The following RALGPS1 variants were observed in gnomAD, a reference collection of about 807,000 sequenced individuals.
RALGPS1 encodes the protein ras-specific guanine nucleotide-releasing factor RalGPS1.
Under a neutral mutation model 78.8 loss-of-function variants are expected in RALGPS1, and 19 were observed. The observed-to-expected ratio is 0.24, with a 90% CI of 0.17 to 0.35. The LOEUF is 0.35. RALGPS1 is among the 10% of genes least tolerant of loss of function. The pLI is 1.00. For missense variants in RALGPS1, 454 were observed against 688.3 expected (o/e 0.66, Z 3.81); for synonymous variants, 228 against 256.3 (o/e 0.89, Z 1.06).
chr9:127,085,184 G>T (rs953473643), intron 8 of RALGPS1, among the ~76,000 whole-genome samples: 1 of 152,186 alleles, frequency 6.6e-6, no homozygotes, highest in African/African-American at 2.4e-5. Context: ...CCCAGCAGGT[G>T]GGTGCCGCTT....
At chr9:127,146,700 T>C (rs2058115639) in intron 8 of RALGPS1, among the ~76,000 whole-genome samples, 1 of 152,112 alleles carries the variant, frequency 6.6e-6, no homozygotes, top group Non-Finnish European at 1.5e-5. Context: ...TCCACCACCA[T>C]GCCTGGCTAA....
chr9:127,191,835 C>A (rs2061069108), intron 11 of RALGPS1, among the ~76,000 whole-genome samples: 1 of 151,684 alleles, frequency 6.6e-6, no homozygotes, highest in Non-Finnish European at 1.5e-5. Context: ...GTAGCTGGGA[C>A]TACAGGCACC....
At chr9:127,064,559 C>T (rs768674347) in intron 7 of RALGPS1, among the ~76,000 whole-genome samples, 16 of 152,236 alleles carry the variant, frequency 1.1e-4, no homozygotes, top group African/African-American at 1.4e-4. Context: ...CAACCACTTT[C>T]AGTTTATTGG....
chr9:126,928,898 G>C (rs902988745), intron 1 of RALGPS1, among the ~76,000 whole-genome samples: 3 of 152,024 alleles, frequency 2.0e-5, no homozygotes, highest in African/African-American at 7.2e-5. Context: ...CACCACGCCC[G>C]GCCAAGGATA....
intron 1 of RALGPS1, among the ~76,000 whole-genome samples, chr9:126,932,030 T>TA (rs2035840524): frequency 1.3e-5 from 2 of 152,130 alleles, no homozygotes; most frequent in African/African-American, 4.8e-5. Context: ...GTTAGGCTGT[T>TA]ACGTTGGAAA....
chr9:127,112,371 G>C (rs988681234), intron 8 of RALGPS1, among the ~76,000 whole-genome samples: 1 of 152,236 alleles, frequency 6.6e-6, no homozygotes, highest in African/African-American at 2.4e-5. Context: ...GGCCTGCTGG[G>C]CCAACGCCTT....
chr9:127,186,105 T>G (rs767434108), intron 11 of RALGPS1, among the ~76,000 whole-genome samples: 8 of 152,184 alleles, frequency 5.3e-5, no homozygotes, highest in Non-Finnish European at 8.8e-5. Flanking sequence ...CTCATTTCTC[T>G]TCCAATCAAT....
chr9:127,067,387 A>G (rs1267179056), intron 7 of RALGPS1, among the ~76,000 whole-genome samples: 1 of 152,200 alleles, frequency 6.6e-6, no homozygotes, highest in Non-Finnish European at 1.5e-5. Context: ...GTAAGCTATC[A>G]CTGCTCCTGT....
At chr9:127,006,449 C>CT (rs1456543701) in intron 4 of RALGPS1, among the ~76,000 whole-genome samples, 1 of 152,128 alleles carries the variant, frequency 6.6e-6, no homozygotes, top group Non-Finnish European at 1.5e-5. Flanking sequence ...CTTTGGGAGT[C>CT]TGGGTTTTCA....
chr9:127,105,819 G>T (rs1168035705), intron 8 of RALGPS1, among the ~76,000 whole-genome samples: 1 of 152,218 alleles, frequency 6.6e-6, no homozygotes, highest in African/African-American at 2.4e-5. Flanking sequence ...AGTTTCTGGA[G>T]GTCAGGGACC....
At chr9:127,210,168 T>C (rs1336009569) in intron 14 of RALGPS1, among the ~76,000 whole-genome samples, 1 of 152,176 alleles carries the variant, frequency 6.6e-6, no homozygotes, top group Non-Finnish European at 1.5e-5. Flanking sequence ...TCTTGGATGC[T>C]GCAGCAGGTC....
Position 127,205,395 on chromosome 9 carries a change from A to G in RALGPS1, c.1247+6329A>G, listed in dbSNP as rs2061878813. ...TCTCTTGCCTTACTCCCTTAGCTCC[A>G]AACACTAAAGTCTGGCAGTTGAGGC... On this transcript the variant is annotated intron_variant, in intron 14 of 18. Coordinates refer to ENST00000259351, the MANE Select transcript of RALGPS1 (RefSeq NM_014636.3). The surrounding 1 kb of genome is among the most constrained non-coding windows in gnomAD (Gnocchi z 4.0). Among the ~76,000 whole-genome samples the G allele has an allele frequency of 6.6e-6, 1 of 152,210 alleles. No individual in the cohort carries two copies. Among genetic ancestry groups the G allele is most frequent in the Non-Finnish European group, 1.5e-5 (1 of 68,032 alleles).
At chr9:127,090,598 T>G (rs1200064273) in intron 8 of RALGPS1, among the ~76,000 whole-genome samples, 2 of 152,214 alleles carry the variant, frequency 1.3e-5, no homozygotes, top group Non-Finnish European at 2.9e-5. Flanking sequence ...TCCACCTTAG[T>G]ATGTAGGTTC....
intron 4 of RALGPS1, among the ~76,000 whole-genome samples, chr9:127,023,588 G>A (rs1321167236): frequency 6.6e-6 from 1 of 152,186 alleles, no homozygotes; most frequent in Non-Finnish European, 1.5e-5. Flanking sequence ...CCAGCCATGA[G>A]CTTTTCTGAC....
At chr9:126,953,607 A>G (rs1245230048) in intron 1 of RALGPS1, among the ~76,000 whole-genome samples, 1 of 152,196 alleles carries the variant, frequency 6.6e-6, no homozygotes, top group Non-Finnish European at 1.5e-5. Flanking sequence ...CAGTTGCCTC[A>G]TCTGTAAAAT....
At chr9:127,161,580 T>G (rs1193510519) in intron 8 of RALGPS1, among the ~76,000 whole-genome samples, 1 of 152,140 alleles carries the variant, frequency 6.6e-6, no homozygotes, top group African/African-American at 2.4e-5. Flanking sequence ...CTGACCAGAC[T>G]GACCACAGTG....
At chr9:127,190,185 G>A (rs889061243) in intron 11 of RALGPS1, among the ~76,000 whole-genome samples, 32 of 152,100 alleles carry the variant, frequency 2.1e-4, no homozygotes, top group African/African-American at 7.0e-4. Context: ...CAGGTTTTGC[G>A]TTTTACTGCA....
intron 11 of RALGPS1, among the ~76,000 whole-genome samples, chr9:127,185,051 A>C (rs188234157): frequency 3.4e-4 from 51 of 152,224 alleles, no homozygotes; most frequent in African/African-American, 1.2e-3. Flanking sequence ...TGGCCTCCAG[A>C]TATCAATCCC....
intron 8 of RALGPS1, among the ~76,000 whole-genome samples, chr9:127,079,192 T>C (rs1484514825): frequency 1.3e-5 from 2 of 152,204 alleles, no homozygotes; most frequent in African/African-American, 4.8e-5. Flanking sequence ...TGGGAGGTCC[T>C]GGAGAAGCAC....
Sources: gnomAD v4.1 joint callset for allele counts (sites outside exome capture counted in the v4.1 genomes callset) on GRCh38, gnomAD v4.1.1 for gene constraint, Gnocchi (gnomAD v3.1) non-coding constraint, MANE v1.5 for transcripts, NCBI Gene and HGNC (gene_info 2026-07-23, HGNC 2026-07-21) for gene names.